Variants in NCAM2 observed in about 807,000 individuals in gnomAD.
The protein encoded by NCAM2 is neural cell adhesion molecule 2.
In NCAM2, 30 loss-of-function variants were observed where a neutral mutation model predicts 98.1. The observed-to-expected ratio is 0.31, with a 90% CI of 0.23 to 0.41. NCAM2 has a LOEUF of 0.41. Among genes scored for constraint, NCAM2 ranks in the 10% least tolerant of loss-of-function variants. NCAM2 has a pLI of 1.00. For synonymous variants in NCAM2, 368 were observed against 342.4 expected (o/e 1.07, Z -0.83); for missense variants, 867 against 1,005.8 (o/e 0.86, Z 1.87).
chr21:21,421,627 TC>T (rs2077113179), intron 11 of NCAM2, among the ~76,000 whole-genome samples: 1 of 152,182 alleles, frequency 6.6e-6, no homozygotes, highest in Non-Finnish European at 1.5e-5. Context: ...TCCTGCAGAA[TC>T]CTAACACTGA....
At chr21:21,509,531 T>C (rs1988227690) in intron 16 of NCAM2, among the ~76,000 whole-genome samples, 1 of 152,130 alleles carries the variant, frequency 6.6e-6, no homozygotes, top group Non-Finnish European at 1.5e-5. Flanking sequence ...GTATAGAAAA[T>C]ATGATATGTG....
At chr21:21,501,224 C>G (rs1422672185) in intron 15 of NCAM2, among the ~76,000 whole-genome samples, 1 of 151,946 alleles carries the variant, frequency 6.6e-6, no homozygotes, top group Non-Finnish European at 1.5e-5. Context: ...CCTAACATAA[C>G]ACAACAAGAA....
intron 1 of NCAM2, among the ~76,000 whole-genome samples, chr21:21,018,299 G>A (rs1174411468): frequency 6.6e-6 from 1 of 152,148 alleles, no homozygotes; most frequent in Non-Finnish European, 1.5e-5. Context: ...AGTGAATATA[G>A]ATAAAATCGG....
At chr21:21,340,027 AT>A (rs2147882438) in intron 8 of NCAM2, among the ~76,000 whole-genome samples, 1 of 152,002 alleles carries the variant, frequency 6.6e-6, no homozygotes, top group South Asian at 2.1e-4. Context: ...TTAACAAAAA[AT>A]AATGTATGTT....
intron 15 of NCAM2, among the ~76,000 whole-genome samples, chr21:21,483,372 A>C (rs1301413804): frequency 6.6e-6 from 1 of 151,422 alleles, no homozygotes; most frequent in African/African-American, 2.5e-5. Context: ...AGCTAAAAAA[A>C]ATAATATAAA....
At chr21:21,319,654 C>A (rs945998174) in intron 5 of NCAM2, among the ~76,000 whole-genome samples, 7 of 151,938 alleles carry the variant, frequency 4.6e-5, no homozygotes, top group African/African-American at 1.7e-4. Flanking sequence ...AAAAAATAAA[C>A]AATAATAACT....
At chr21:21,165,714 A>G (rs1191952217) in intron 1 of NCAM2, among the ~76,000 whole-genome samples, 1 of 152,224 alleles carries the variant, frequency 6.6e-6, no homozygotes, top group Non-Finnish European at 1.5e-5. Context: ...TATTTATTAT[A>G]ACATTTATAT....
At chr21:21,373,419 G>GA (rs945493852) in intron 8 of NCAM2, among the ~76,000 whole-genome samples, 14 of 151,624 alleles carry the variant, frequency 9.2e-5, no homozygotes, top group African/African-American at 3.1e-4. Flanking sequence ...AATATAGAGA[G>GA]AAAAAAAGGG....
At chr21:21,214,033 T>C (rs375754149) in intron 1 of NCAM2, among the ~76,000 whole-genome samples, 1 of 152,170 alleles carries the variant, frequency 6.6e-6, no homozygotes, top group Non-Finnish European at 1.5e-5. Context: ...CACCAACTTC[T>C]ACTTTAAGCT....
At chr21:21,252,118 A>T (rs2071496825) in intron 1 of NCAM2, among the ~76,000 whole-genome samples, 1 of 152,100 alleles carries the variant, frequency 6.6e-6, no homozygotes, top group African/African-American at 2.4e-5. Flanking sequence ...ATTACTGGTT[A>T]TTAGAGAAAT....
chr21:21,532,614 C>T (rs533832142), intron 16 of NCAM2, among the ~76,000 whole-genome samples: 37 of 152,060 alleles, frequency 2.4e-4, no homozygotes, highest in Non-Finnish European at 4.4e-5. Context: ...TTTAGTTCAT[C>T]GTATATTTGT....
At chr21:21,478,767 T>G (rs1985484006) in intron 15 of NCAM2, among the ~76,000 whole-genome samples, 1 of 152,174 alleles carries the variant, frequency 6.6e-6, no homozygotes, top group African/African-American at 2.4e-5. Context: ...ATTTTATTCT[T>G]AAATCTGAGC....
chr21:21,079,141 G>A (rs1338103593), intron 1 of NCAM2, among the ~76,000 whole-genome samples: 2 of 152,110 alleles, frequency 1.3e-5, no homozygotes, highest in Non-Finnish European at 2.9e-5. Flanking sequence ...CATGGCACAG[G>A]TATATCTATG....
At chr21:21,231,501 G>C (rs933533379) in intron 1 of NCAM2, among the ~76,000 whole-genome samples, 5 of 151,426 alleles carry the variant, frequency 3.3e-5, no homozygotes, top group Middle Eastern at 3.4e-3. Flanking sequence ...TAGAATTAAT[G>C]CATATTATTA....
intron 1 of NCAM2, among the ~76,000 whole-genome samples, chr21:21,188,373 A>G (rs369015496): frequency 3.8e-4 from 58 of 152,264 alleles, no homozygotes; most frequent in African/African-American, 1.3e-3. Context: ...ATGTTTGATG[A>G]TGGTGTTATG....
In NCAM2 at chr21:21,086,378, A is replaced by G. The variant is rs143451099; in HGVS notation, c.55+87760A>G. On this transcript the variant is annotated intron_variant, in intron 1 of 17. Coordinates refer to ENST00000400546, the MANE Select transcript of NCAM2 (RefSeq NM_004540.5). ...TTCAACAGCTCGTTTTGCAGACATG[A>G]GAGTCTATTCATAACCCTTTACACA... Among the ~76,000 whole-genome samples the G allele has an allele frequency of 4.6e-5, 7 of 152,342 alleles. No individual in the cohort carries two copies. In the East Asian group the frequency reaches 1.3e-3, roughly 29 times the overall value.
intron 5 of NCAM2, among the ~76,000 whole-genome samples, chr21:21,302,620 C>A (rs2073754854): frequency 6.6e-6 from 1 of 151,992 alleles, no homozygotes; most frequent in Non-Finnish European, 1.5e-5. Flanking sequence ...TTGAAGGCTG[C>A]AGAGAAAAGG....
At chr21:21,213,791 A>G (rs1482160777) in intron 1 of NCAM2, among the ~76,000 whole-genome samples, 1 of 152,216 alleles carries the variant, frequency 6.6e-6, no homozygotes, top group Non-Finnish European at 1.5e-5. Flanking sequence ...CTTATAAAGA[A>G]GTACATAATC....
intron 8 of NCAM2, among the ~76,000 whole-genome samples, chr21:21,357,850 A>G (rs1447896944): frequency 6.6e-6 from 1 of 152,168 alleles, no homozygotes; most frequent in Non-Finnish European, 1.5e-5. Context: ...TAAGTTTAAT[A>G]TAAAAATCAA....
Sources: gnomAD v4.1 joint callset for allele counts (sites outside exome capture counted in the v4.1 genomes callset) on GRCh38, gnomAD v4.1.1 for gene constraint, MANE v1.5 for transcripts, NCBI Gene and HGNC (gene_info 2026-07-23, HGNC 2026-07-21) for gene names.